BLTP2: variants seen among roughly 807,000 people sequenced by gnomAD.
BLTP2 encodes the protein U937-associated antigen.
At chr17:28,628,886 A>G in the BLTP2 span, among the ~76,000 whole-genome samples, 570 of 151,528 alleles carry the variant, frequency 3.8e-3, 2 homozygotes, top group Non-Finnish European at 6.4e-3. Context: ...GTGAGCCGAG[A>G]TCACACCACT....
the BLTP2 span, chr17:28,644,994 T>C: frequency 6.3e-7 from 1 of 1,583,468 alleles, no homozygotes; most frequent in Admixed American, 1.8e-5. Context: ...CTCACCGGCC[T>C]AGAAAGAGGG....
chr17:28,639,475 C>G, the BLTP2 span: 1 of 1,612,910 alleles, frequency 6.2e-7, no homozygotes, highest in African/African-American at 1.3e-5. Flanking sequence ...AATAAGAAGA[C>G]CAGAACTGTG....
At chr17:28,632,104 T>C in the BLTP2 span, 2 of 1,614,158 alleles carry the variant, frequency 1.2e-6, no homozygotes, top group Non-Finnish European at 1.7e-6. Flanking sequence ...CTGACCAAGT[T>C]TCTTCTTGCT....
chr17:28,645,123 G>C, the BLTP2 span: 1 of 1,378,060 alleles, frequency 7.3e-7, no homozygotes, highest in East Asian at 2.9e-5. Flanking sequence ...CCGGATCCGC[G>C]CAGCACCGCC....
At chr17:28,638,777 G>A in the BLTP2 span, 5 of 620,070 alleles carry the variant, frequency 8.1e-6, no homozygotes, top group Non-Finnish European at 1.4e-5. Context: ...GACACACCTA[G>A]AAGATAAAAG....
the BLTP2 span, chr17:28,642,568 C>G: frequency 5.3e-6 from 3 of 569,934 alleles, no homozygotes; most frequent in Non-Finnish European, 3.1e-6. Context: ...GGAGAATGGT[C>G]TGAACCCAGG....
At chr17:28,627,410 A>ATT in the BLTP2 span, among the ~76,000 whole-genome samples, 3 of 141,354 alleles carry the variant, frequency 2.1e-5, no homozygotes, top group African/African-American at 2.6e-5. Flanking sequence ...CAATACCTCC[A>ATT]TTTTTTTTTT....
At chr17:28,627,100 C>T in the BLTP2 span, among the ~76,000 whole-genome samples, 1 of 152,156 alleles carries the variant, frequency 6.6e-6, no homozygotes. Context: ...GAATTAATTG[C>T]TTGCTTATTG....
At chr17:28,625,615 T>A in the BLTP2 span, among the ~76,000 whole-genome samples, 1 of 152,198 alleles carries the variant, frequency 6.6e-6, no homozygotes, top group Non-Finnish European at 1.5e-5. Context: ...GTTACCATCA[T>A]GCCAGTCATC....
chr17:28,619,449 A>T, the BLTP2 span, among the ~76,000 whole-genome samples: 4 of 151,954 alleles, frequency 2.6e-5, no homozygotes, highest in East Asian at 7.8e-4. Flanking sequence ...TGGTCAACAT[A>T]GTGAGACCAC....
At chr17:28,629,896 T>A in the BLTP2 span, among the ~76,000 whole-genome samples, 2 of 152,104 alleles carry the variant, frequency 1.3e-5, no homozygotes, top group Admixed American at 6.5e-5. Context: ...ATTACAGGTG[T>A]GAGCCACTGC....
the BLTP2 span, chr17:28,642,306 A>G: frequency 1.2e-6 from 2 of 1,614,182 alleles, no homozygotes; most frequent in South Asian, 2.2e-5. Context: ...TTTGCTGTTG[A>G]TCTTACATAA....
chr17:28,645,121 G>C, the BLTP2 span: 1 of 1,378,652 alleles, frequency 7.3e-7, no homozygotes, highest in South Asian at 1.4e-5. Context: ...CGCCGGATCC[G>C]CGCAGCACCG....
the BLTP2 span, among the ~76,000 whole-genome samples, chr17:28,625,334 CAAAAAAAAAAAA>C: frequency 7.6e-4 from 22 of 29,064 alleles, 1 homozygote; most frequent in East Asian, 7.7e-3. Flanking sequence ...GACTCCGTCT[CAAAAAAAAAAAA>C]AAAAAAAAAA....
At chr17:28,621,051 G>C in the BLTP2 span, 1 of 1,614,168 alleles carries the variant, frequency 6.2e-7, no homozygotes, top group Non-Finnish European at 8.5e-7. Flanking sequence ...GGCTTAATCT[G>C]AGTTGCTAGT....
At chr17:28,630,215 G>A in the BLTP2 span, among the ~76,000 whole-genome samples, 2 of 152,000 alleles carry the variant, frequency 1.3e-5, no homozygotes, top group African/African-American at 2.4e-5. Flanking sequence ...GGAGAGCAGT[G>A]ATGCGGTCAT....
the BLTP2 span, chr17:28,640,804 CT>C: frequency 1.2e-6 from 1 of 865,908 alleles, no homozygotes; most frequent in African/African-American, 1.7e-5. Flanking sequence ...AATGCCTAAG[CT>C]GGATGGACCA....
At chr17:28,621,961 T>C in the BLTP2 span, among the ~76,000 whole-genome samples, 5 of 152,114 alleles carry the variant, frequency 3.3e-5, no homozygotes, top group African/African-American at 7.2e-5. Context: ...GTGAATAACA[T>C]TGAGTGAGAT....
At chr17:28,638,051 T>C in the BLTP2 span, 26 of 1,614,090 alleles carry the variant, frequency 1.6e-5, no homozygotes, top group Non-Finnish European at 2.0e-5. Context: ...AAAAAGGGTA[T>C]CTGACTGGGT....
Sources: gnomAD v4.1 joint callset for allele counts (sites outside exome capture counted in the v4.1 genomes callset) on GRCh38, gnomAD v4.1.1 for gene constraint, MANE v1.5 for transcripts, NCBI Gene and HGNC (gene_info 2026-07-23, HGNC 2026-07-21) for gene names.